The following LY75 variants were observed in gnomAD, a reference collection of about 807,000 sequenced individuals.
The protein encoded by LY75 is C-type lectin domain family 13 member B.
Under a neutral mutation model 231.7 loss-of-function variants are expected in LY75, and 185 were observed. That is an observed-to-expected ratio of 0.80 (90% confidence interval 0.71 to 0.90). LY75 has a LOEUF of 0.90. Among genes scored for constraint, LY75 ranks in the 40% least tolerant of loss-of-function variants. The pLI, the probability that LY75 is intolerant of heterozygous loss-of-function variation, is 0.00. For synonymous variants in LY75, 668 were observed against 689.0 expected, an observed-to-expected ratio of 0.97 and a Z score of 0.48; for missense variants, 1,947 against 2,050.2, an observed-to-expected ratio of 0.95 and a Z score of 0.97.
At chr2:159,819,098 G>A (rs560181004) in intron 29 of LY75, among the ~76,000 whole-genome samples, 12 of 152,286 alleles carry the variant, frequency 7.9e-5, no homozygotes, top group South Asian at 4.1e-4. Context: ...AAGTGACTGC[G>A]GCGCTGTAAG....
intron 23 of LY75, among the ~76,000 whole-genome samples, chr2:159,844,544 T>C (rs1409224599): frequency 6.6e-6 from 1 of 152,084 alleles, no homozygotes; most frequent in Admixed American, 6.6e-5. Flanking sequence ...ATGGAAATTC[T>C]GGAAATTCTA....
In LY75 at chr2:159,899,025, C is replaced by T. The variant is rs41264217; in HGVS notation, c.129G>A (p.Thr43=). Residue 43 remains threonine (T), a synonymous_variant, in exon 2 of 35, where the codon ACG becomes ACA. Coordinates refer to ENST00000263636, the MANE Select transcript of LY75 (RefSeq NM_002349.4). ...NDPFTIVHGN[T]GKCIKPVYGW... ...CATACACTGGCTTGATGCACTTGCC[C>T]GTATTTCCATGGACGATGGTGAAGG... The T allele has an allele frequency of 2.0e-3, 3,203 of 1,613,786 alleles. 7 individuals are homozygous for T. Among genetic ancestry groups the T allele is most frequent in the Non-Finnish European group, 2.6e-3 (3,061 of 1,179,766 alleles).
intron 20 of LY75, among the ~76,000 whole-genome samples, chr2:159,852,846 T>C (rs1684443210): frequency 6.6e-6 from 1 of 152,236 alleles, no homozygotes. Context: ...TTTTTATCAG[T>C]AGGTTACAGC....
At chr2:159,865,523 A>G (rs1167492470) in intron 13 of LY75, among the ~76,000 whole-genome samples, 1 of 152,166 alleles carries the variant, frequency 6.6e-6, no homozygotes. Flanking sequence ...GACACAGAGA[A>G]GTATAAGACC....
At chr2:159,813,841 C>G (rs922105365) in intron 31 of LY75, 3 of 152,186 alleles carry the variant, frequency 2.0e-5, no homozygotes, top group African/African-American at 7.2e-5. Flanking sequence ...TCTTATCATT[C>G]TCTATCCTAT....
intron 33 of LY75, chr2:159,808,134 TG>T (rs1158547226): frequency 2.0e-6 from 2 of 985,080 alleles, no homozygotes; most frequent in African/African-American, 1.7e-5. Flanking sequence ...ATGGGTTCCT[TG>T]TGGGGACACA....
rs550203517 is a variant in LY75, at chr2:159,865,534, T to C, written c.2118-614A>G. ...TGATGACACAGAGAAGTATAAGACCTACATCTACCCTGAAATGTAATATGA... is the reference window on the plus strand; with the variant it reads ...TGATGACACAGAGAAGTATAAGACCCACATCTACCCTGAAATGTAATATGA... On this transcript the variant is annotated intron_variant, in intron 13 of 34. Coordinates refer to ENST00000263636, the MANE Select transcript of LY75 (RefSeq NM_002349.4). 3.9e-5 allele frequency among the ~76,000 whole-genome samples: 6 copies of C among 152,280 alleles called. No individual in the cohort carries two copies. The East Asian group carries it at 9.6e-4, about 24-fold the overall frequency.
At chr2:159,816,051 T>C (rs1446224837) in intron 30 of LY75, among the ~76,000 whole-genome samples, 1 of 152,130 alleles carries the variant, frequency 6.6e-6, no homozygotes, top group Non-Finnish European at 1.5e-5. Context: ...AAACTCAAAA[T>C]GGGAAGACTA....
intron 28 of LY75, among the ~76,000 whole-genome samples, chr2:159,830,588 C>CTTT (rs35004394): frequency 0.013 from 1,667 of 129,022 alleles, 28 homozygotes; most frequent in Admixed American, 0.025. Flanking sequence ...TTTTTCTATT[C>CTTT]TTTTTTTTTT....
chr2:159,825,513 G>C (rs1003519134), intron 28 of LY75, among the ~76,000 whole-genome samples: 7 of 152,152 alleles, frequency 4.6e-5, no homozygotes, highest in African/African-American at 1.4e-4. Context: ...ATTCACAGCT[G>C]AATTCTACCA....
At chr2:159,835,183 T>A (rs151059433) in intron 26 of LY75, among the ~76,000 whole-genome samples, 2,094 of 152,314 alleles carry the variant, frequency 0.014, 19 homozygotes, top group Admixed American at 0.029. Context: ...ATGTAAGCTT[T>A]CTACAACTAT....
At chr2:159,852,412 G>GT (rs36091128) in intron 20 of LY75, 72 bp from the exon 21 acceptor site, 180 of 1,458,652 alleles carry the variant, frequency 1.2e-4, no homozygotes, top group South Asian at 5.6e-4. Context: ...TGTTTTGTGT[G>GT]TTTTTTTTTG....
chr2:159,899,050 G>C lies in LY75; in HGVS notation c.104C>G (p.Pro35Arg). The stretch of plus-strand genomic sequence containing the variant: ...CGTATTTCCATGGACGATGGTGAAG[G>C]GGTCATTAGCTGAGTCAAATGGACA... ...AEPSGRAAND[P>R]FTIVHGNTGK... is the part of the protein sequence containing the mutation. Residue 35 changes from proline (P) to arginine (R), a missense_variant, in exon 2 of 35, where the codon CCC becomes CGC. Transcript: ENST00000263636. 1 of 1,612,314 alleles carries C rather than the reference G, an allele frequency of 6.2e-7. No homozygotes were observed. Among genetic ancestry groups the C allele is most frequent in the Non-Finnish European group, 8.5e-7 (1 of 1,179,192 alleles).
intron 29 of LY75, among the ~76,000 whole-genome samples, chr2:159,818,773 T>C (rs982524125): frequency 6.6e-5 from 10 of 151,624 alleles, no homozygotes; most frequent in African/African-American, 2.4e-4. Context: ...TCTAAAGCTA[T>C]CCTAAAATGA....
chr2:159,839,954 C>T (rs549193005), intron 25 of LY75, among the ~76,000 whole-genome samples: 1 of 140,358 alleles, frequency 7.1e-6, no homozygotes, highest in South Asian at 2.2e-4. Flanking sequence ...TGCAGTGAGC[C>T]GAGATTGCAC....
intron 19 of LY75, 96 bp downstream of exon 19, chr2:159,853,534 T>A: frequency 6.4e-7 from 1 of 1,569,184 alleles, no homozygotes; most frequent in Non-Finnish European, 8.7e-7. Context: ...TATGGATTAA[T>A]ATTCAAACTA....
chr2:159,888,158 G>A (rs910786720), intron 4 of LY75, among the ~76,000 whole-genome samples: 1 of 152,108 alleles, frequency 6.6e-6, no homozygotes, highest in Admixed American at 6.6e-5. Flanking sequence ...CAAAAAGAGC[G>A]ACAAAAGACC....
chr2:159,850,098 C>T lies in LY75; in HGVS notation c.3032G>A (p.Trp1011Ter). 1 of 1,613,210 alleles carries T rather than the reference C, an allele frequency of 6.2e-7. No homozygotes were observed. The highest frequency in any genetic ancestry group is 1.1e-5 in the South Asian group (1 of 90,812). Residue 1011 changes from tryptophan (W) to a stop codon, truncating the protein, a stop_gained, in exon 23 of 35, where the codon TGG (tryptophan) becomes TAG (stop). Coordinates refer to ENST00000263636, the MANE Select transcript of LY75 (RefSeq NM_002349.4). LOFTEE classifies it high-confidence loss of function. ...ATAGGCAGTCCAGCGCAAACCAATC[C>T]ATAAAGTAGCTTCCATATCCGGAAG... ...SLLPDMEATL[W>*]IGLRWTAYEK... is the part of the protein sequence containing the mutation.
chr2:159,872,254 T>A, intron 13 of LY75, 197 bp downstream of exon 13: 1 of 592,716 alleles, frequency 1.7e-6, no homozygotes, highest in Non-Finnish European at 2.8e-6. Flanking sequence ...ATACATCTCA[T>A]TCATTTTTAG....
Sources: allele counts gnomAD v4.1 joint callset (sites outside exome capture counted in the v4.1 genomes callset), GRCh38; gene constraint gnomAD v4.1.1; transcripts MANE v1.5; gene names NCBI Gene and HGNC (gene_info 2026-07-23, HGNC 2026-07-21).